The following LRIG3 variants were observed in gnomAD, a reference collection of about 807,000 sequenced individuals.
LRIG3 encodes the protein leucine rich repeats and immunoglobulin like domains 3.
LRIG3 carries 76 observed loss-of-function variants against 114.5 expected under a neutral mutation model. That is an observed-to-expected ratio of 0.66 (90% CI 0.55 to 0.80). The LOEUF is 0.80. Among genes scored for constraint, LRIG3 ranks in the 30% least tolerant of loss-of-function variants. The probability of loss-of-function intolerance (pLI) is 0.00; values close to 1 mark genes in which losing one functional copy is unlikely to be tolerated. For missense variants in LRIG3, 1,239 were observed against 1,382.8 expected, an observed-to-expected ratio of 0.90 and a Z score of 1.65; for synonymous variants, 512 against 519.8, an observed-to-expected ratio of 0.98 and a Z score of 0.20.
Position 58,920,004 on chromosome 12 carries a change from G to A in LRIG3, c.232C>T (p.Arg78Trp). The A allele has an allele frequency of 6.4e-7, 1 of 1,552,018 alleles. No homozygotes were observed. Among genetic ancestry groups the A allele is most frequent in the Non-Finnish European group, 8.7e-7 (1 of 1,147,730 alleles). Residue 78 changes from arginine (R) to tryptophan (W), a missense_variant, in exon 1 of 19, where the codon CGG becomes TGG. Physicochemically the swap from Arg to Trp is moderately radical, Grantham distance 101. Coordinates refer to ENST00000320743, the MANE Select transcript of LRIG3 (RefSeq NM_153377.5). ...CCCCGCGGGAAGAATACTTACAGCC[G>A]AGCGACCCAGGACGGGAGTGGCTCG... is the stretch of plus-strand genomic sequence containing the variant. ...LPEPLPSWVARLDLSHNRLSF... is the reference protein window; with the variant it reads ...LPEPLPSWVAWLDLSHNRLSF...
At chr12:58,889,011 A>G in intron 5 of LRIG3, 49 bp from the exon 6 acceptor site, 1 of 1,567,684 alleles carries the variant, frequency 6.4e-7, no homozygotes, top group Non-Finnish European at 8.7e-7. Flanking sequence ...TAAATTCTGG[A>G]GGTAGTAATA....
At chr12:58,902,642 A>G (rs1871901256) in intron 3 of LRIG3, among the ~76,000 whole-genome samples, 1 of 141,200 alleles carries the variant, frequency 7.1e-6, no homozygotes, top group Non-Finnish European at 1.5e-5. Flanking sequence ...ATATATATAC[A>G]TGTGCCATGC....
intron 1 of LRIG3, among the ~76,000 whole-genome samples, chr12:58,915,180 T>C (rs1262353520): frequency 2.0e-5 from 3 of 152,218 alleles, no homozygotes. Context: ...CTTGGTTATA[T>C]TCCCCATATG....
chr12:58,896,259 T>C (rs1049713020), intron 3 of LRIG3, among the ~76,000 whole-genome samples: 5 of 152,224 alleles, frequency 3.3e-5, no homozygotes, highest in Admixed American at 1.3e-4. Context: ...GTTAGTGATA[T>C]GACCACTTAG....
chr12:58,908,437 C>T (rs1279009646), intron 3 of LRIG3, among the ~76,000 whole-genome samples: 1 of 152,040 alleles, frequency 6.6e-6, no homozygotes, highest in African/African-American at 2.4e-5. Context: ...TGCCTGAACA[C>T]CAAAGTCACC....
At position 58,882,798 on chromosome 12, in the gene LRIG3, C is replaced by A. The variant is rs1183637620; in HGVS notation, c.1480+71G>T. ...AAAGAGATCATAAATCTATTCAAAA[C>A]CATTATTTGGATAAATGGGAGGGGG... is the stretch of plus-strand genomic sequence containing the variant. On this transcript the variant is annotated intron_variant, in intron 12 of 18. Coordinates refer to ENST00000320743, the MANE Select transcript of LRIG3 (RefSeq NM_153377.5). 2.0e-6 allele frequency: 3 copies of A among 1,471,692 alleles called. No individual in the cohort carries two copies. The East Asian group carries it at 6.9e-5, about 34-fold the overall frequency. 91.2% of individuals were successfully genotyped at this position (1,471,692 alleles called of 1,614,324 possible). A position where few individuals can be genotyped will look rare whatever the true frequency, so the allele number is the denominator to read the frequency against.
At chr12:58,881,998 G>A (rs533028531) in intron 12 of LRIG3, among the ~76,000 whole-genome samples, 1 of 152,296 alleles carries the variant, frequency 6.6e-6, no homozygotes, top group South Asian at 2.1e-4. Context: ...AATGCCAAAA[G>A]CTTATTCAGT....
In LRIG3 at chr12:58,888,927, C is replaced by A; in HGVS notation, c.695G>T (p.Gly232Val). The change falls in exon 6 of 19, where the codon GGA becomes GTA. Residue 232 changes from glycine (G) to valine (V), a missense_variant. Gly to Val is a moderately radical substitution (Grantham distance 109). Transcript: ENST00000320743. ...AGCACCAAGGCCTTGGAATGTCAGT[C>A]CATCTACATTTTTAATCTTGTTTCG... Reference protein sequence around the residue: ...LNRNKIKNVDGLTFQGLGALK... With the variant: ...LNRNKIKNVDVLTFQGLGALK... The A allele has an allele frequency of 6.2e-7, 1 of 1,613,726 alleles. No homozygotes were observed. The highest frequency in any genetic ancestry group is 8.5e-7 in the Non-Finnish European group (1 of 1,179,790).
rs377705330 is a variant in LRIG3, at chr12:58,874,473, C to T, written c.2796G>A (p.Lys932=). ...AAGGATCTGAGCCATACACATTTCC[C>T]TTCAAATACATAGGGCCTGTGGATC... ...FLGSTGPMYL[K]GNVYGSDPFE... The change falls in exon 17 of 19, where the codon AAG becomes AAA. Residue 932 remains lysine (K), a synonymous_variant. Coordinates refer to ENST00000320743, the MANE Select transcript of LRIG3 (RefSeq NM_153377.5). 15 of 1,614,052 alleles carry T rather than the reference C, an allele frequency of 9.3e-6. No individual in the cohort carries two copies. The highest frequency in any genetic ancestry group is 1.3e-5 in the African/African-American group (1 of 74,922).
chr12:58,895,415 C>G (rs1871604012), intron 3 of LRIG3, among the ~76,000 whole-genome samples: 1 of 152,114 alleles, frequency 6.6e-6, no homozygotes, highest in Non-Finnish European at 1.5e-5. Context: ...CAGCAAAGGA[C>G]AGTAGAGGCT....
chr12:58,886,601 T>C (rs1235338713), intron 9 of LRIG3, among the ~76,000 whole-genome samples: 2 of 152,134 alleles, frequency 1.3e-5, no homozygotes, highest in African/African-American at 4.8e-5. Context: ...TACTAAAATG[T>C]TGAATAAAAC....
rs775913390 is a variant in LRIG3 at position 58,874,492 on chromosome 12, G to A, written c.2777C>T (p.Thr926Ile). ...DLFLCPFLGS[T>I]GPMYLKGNVY... ...ATTTCCCTTCAAATACATAGGGCCT[G>A]TGGATCCCAAAAACGGACAAAGGAA... Residue 926 changes from threonine to isoleucine, a missense_variant, in exon 17 of 19, where the codon ACA becomes ATA. By Grantham distance (89) the Thr-to-Ile change is moderately conservative. Transcript: ENST00000320743. 48 of 1,614,074 alleles carry A rather than the reference G, an allele frequency of 3.0e-5. No individual in the cohort carries two copies. The highest frequency in any genetic ancestry group is 3.9e-5 in the Non-Finnish European group (46 of 1,180,044).
At chr12:58,912,145 T>C (rs1449868837) in intron 3 of LRIG3, among the ~76,000 whole-genome samples, 1 of 152,210 alleles carries the variant, frequency 6.6e-6, no homozygotes, top group Non-Finnish European at 1.5e-5. Flanking sequence ...GGAGCACAAA[T>C]TTCTAACTTT....
chr12:58,888,862 G>T lies in LRIG3; in HGVS notation c.760C>A (p.Leu254Ile), dbSNP rs1205473389. The T allele has an allele frequency of 6.2e-7, 1 of 1,613,780 alleles. No homozygotes were observed. Among genetic ancestry groups the T allele is most frequent in the Non-Finnish European group, 8.5e-7 (1 of 1,179,824 alleles). ...AGCCCCCAAAAAGCTCCATCCATAA[G>T]TTTCGTTACTCCATTTCTTTGCATT... ...LKMQRNGVTK[L>I]MDGAFWGLSN... The change falls in exon 6 of 19, where the codon CTT becomes ATT. Residue 254 changes from leucine to isoleucine, a missense_variant. Coordinates refer to ENST00000320743, the MANE Select transcript of LRIG3 (RefSeq NM_153377.5).
Position 58,888,397 on chromosome 12 carries a change from A to G in LRIG3, c.879T>C (p.His293=). ...TCCTGTTGATGGCATTTTGGCTGAG[A>G]TGAAGTTCCTGCAGCATCAGCAAGC... ...LYGLLMLQEL[H]LSQNAINRIS... Residue 293 remains histidine (H), a synonymous_variant, in exon 7 of 19, where the codon CAT becomes CAC. Coordinates refer to ENST00000320743, the MANE Select transcript of LRIG3 (RefSeq NM_153377.5). 6.2e-7 allele frequency: 1 copy of G among 1,613,862 alleles called. No homozygotes were observed.
intron 3 of LRIG3, among the ~76,000 whole-genome samples, chr12:58,904,422 C>T (rs1871985017): frequency 6.6e-6 from 1 of 152,068 alleles, no homozygotes; most frequent in Admixed American, 6.5e-5. Flanking sequence ...AGAAGCTGTA[C>T]CTGATACTTT....
At chr12:58,886,076 T>C (rs1871268712) in intron 9 of LRIG3, among the ~76,000 whole-genome samples, 174 bp from the exon 10 acceptor site, 1 of 152,176 alleles carries the variant, frequency 6.6e-6, no homozygotes, top group Non-Finnish European at 1.5e-5. Flanking sequence ...TAGTCGAACA[T>C]GGTTTTTGAA....
chr12:58,920,406 A>C lies in LRIG3; in HGVS notation c.-171T>G. ...TTACTCCCGGCGGCGAAGCCCTTTC[A>C]TGCCCCCAAACAGCAGGAGGGAAAC... is the stretch of plus-strand genomic sequence containing the variant. On this transcript the variant is annotated 5_prime_UTR_variant, in exon 1 of 19. It removes an upstream start codon present in the reference 5' UTR. Transcript: ENST00000320743. The C allele has an allele frequency of 2.2e-6, 1 of 454,482 alleles. No homozygotes were observed. 28.2% of individuals were successfully genotyped at this position (454,482 alleles called of 1,614,324 possible).
In LRIG3 at chr12:58,872,544, T is replaced by C. The variant is rs373493932; in HGVS notation, c.*28A>G. The C allele has an allele frequency of 1.3e-6, 2 of 1,564,380 alleles. No homozygotes were observed. The highest frequency in any genetic ancestry group is 2.7e-5 in the African/African-American group (2 of 73,064). On this transcript the variant is annotated 3_prime_UTR_variant, in exon 19 of 19. Coordinates refer to ENST00000320743, the MANE Select transcript of LRIG3 (RefSeq NM_153377.5). The stretch of plus-strand genomic sequence containing the variant: ...ATAAAAGTTCACTTGAGGTAGTATG[T>C]TAAGCTTTTCCTTTGGTCTCATTCA...
Sources: allele counts gnomAD v4.1 joint callset (sites outside exome capture counted in the v4.1 genomes callset), GRCh38; gene constraint gnomAD v4.1.1; transcripts MANE v1.5; gene names NCBI Gene and HGNC (gene_info 2026-07-23, HGNC 2026-07-21).